Variants in PRKN observed in about 807,000 individuals in gnomAD.
The protein encoded by PRKN is E3 ubiquitin-protein ligase parkin.
PRKN carries 56 observed loss-of-function variants against 59.5 expected under a neutral mutation model. The observed-to-expected ratio is 0.94, with a 90% CI of 0.76 to 1.18. The LOEUF (loss-of-function observed/expected upper bound fraction) is 1.18. Ranked by LOEUF, PRKN falls within the 50% of genes most tolerant of loss-of-function variation. The pLI is 0.00. For missense variants in PRKN, 657 were observed against 596.4 expected (o/e 1.10, Z -1.06); for synonymous variants, 250 against 222.1 (o/e 1.13, Z -1.12).
rs148236860 is a variant in PRKN, at chr6:162,036,946, C to T, written c.618+17145G>A. ...AAGCTTCCTAGTAATTGGAGAAAGG[C>T]AATTTTACATGAGATGTCATGTTTC... On this transcript the variant is annotated intron_variant, in intron 5 of 11. Coordinates refer to ENST00000366898, the MANE Select transcript of PRKN (RefSeq NM_004562.3). Among the ~76,000 whole-genome samples the T allele has an allele frequency of 4.4e-3, 671 of 152,044 alleles. 2 individuals carry two copies. The highest frequency in any genetic ancestry group is 0.016 in the African/African-American group (645 of 41,458).
At chr6:161,886,924 T>C (rs1414421448) in intron 6 of PRKN, among the ~76,000 whole-genome samples, 1 of 148,996 alleles carries the variant, frequency 6.7e-6, no homozygotes, top group Admixed American at 6.6e-5. Context: ...AAGAAAATAC[T>C]GTGGCAATAA....
At chr6:162,723,732 T>C (rs1227523356) in intron 1 of PRKN, among the ~76,000 whole-genome samples, 4 of 152,246 alleles carry the variant, frequency 2.6e-5, no homozygotes, top group Non-Finnish European at 5.9e-5. Context: ...TATGCTTACA[T>C]GTGCAAGTAA....
chr6:162,361,302 C>A (rs918902975), intron 2 of PRKN, among the ~76,000 whole-genome samples: 3 of 151,998 alleles, frequency 2.0e-5, no homozygotes, highest in Non-Finnish European at 4.4e-5. Context: ...CCCTAACCCC[C>A]AATGTGATCG....
intron 9 of PRKN, among the ~76,000 whole-genome samples, chr6:161,433,658 C>T (rs555289233): frequency 1.3e-5 from 2 of 152,188 alleles, no homozygotes; most frequent in East Asian, 1.9e-4. Context: ...GATGTGGACC[C>T]TCTGGTGTAC....
Position 162,719,218 on chromosome 6 carries a change from T to C in PRKN, c.7+8444A>G, listed in dbSNP as rs530301568. On this transcript the variant is annotated intron_variant, in intron 1 of 11. Coordinates refer to ENST00000366898, the MANE Select transcript of PRKN (RefSeq NM_004562.3). ...ATTCATGTAAAAACGTCTTTATATA[T>C]TGTCACATGTAATTATACAAATTTG... Among the ~76,000 whole-genome samples the C allele has an allele frequency of 1.6e-4, 25 of 152,320 alleles. No homozygotes were observed. The South Asian group carries it at 3.7e-3, about 23-fold the overall frequency.
chr6:162,009,442 AAAAC>A (rs1477300073), intron 5 of PRKN, among the ~76,000 whole-genome samples: 21 of 151,938 alleles, frequency 1.4e-4, no homozygotes, highest in Admixed American at 1.3e-4. Flanking sequence ...GCAAAATGAA[AAAAC>A]AAACCCACAA....
At chr6:161,887,773 C>T (rs569433088) in intron 6 of PRKN, among the ~76,000 whole-genome samples, 3 of 152,216 alleles carry the variant, frequency 2.0e-5, no homozygotes, top group African/African-American at 7.2e-5. Flanking sequence ...TGCAATCTAG[C>T]AGATATTTTA....
chr6:161,474,337 C>T (rs1206141597), intron 9 of PRKN, among the ~76,000 whole-genome samples: 6 of 152,146 alleles, frequency 3.9e-5, no homozygotes, highest in Non-Finnish European at 7.3e-5. Context: ...CAACCATAGA[C>T]CAAGCCTCTT....
At chr6:161,834,513 T>C (rs910290422) in intron 6 of PRKN, among the ~76,000 whole-genome samples, 5 of 152,234 alleles carry the variant, frequency 3.3e-5, no homozygotes, top group African/African-American at 7.2e-5. Flanking sequence ...GGTAATAAAC[T>C]GATGCTCCGT....
intron 4 of PRKN, among the ~76,000 whole-genome samples, chr6:162,144,507 G>A (rs1583098414): frequency 6.6e-6 from 1 of 152,158 alleles, no homozygotes; most frequent in African/African-American, 2.4e-5. Flanking sequence ...AGATCAGCTG[G>A]TGTAGGTTTA....
At position 161,448,178 on chromosome 6, in the gene PRKN, A is replaced by G. The variant is rs922089421; in HGVS notation, c.1084-61301T>C. ...TTCAGCGCCTCCCTTTTGCCTCCAT[A>G]AAAGATCTTCACTTTTCCCCACACC... On this transcript the variant is annotated intron_variant, in intron 9 of 11. Transcript: ENST00000366898. The surrounding 1 kb of genome is among the most constrained non-coding windows in gnomAD (Gnocchi z 5.1). Among the ~76,000 whole-genome samples the G allele has an allele frequency of 3.3e-5, 5 of 152,160 alleles. No homozygotes were observed. The highest frequency in any genetic ancestry group is 9.7e-5 in the African/African-American group (4 of 41,418).
At chr6:161,933,286 A>T (rs764414390) in intron 6 of PRKN, among the ~76,000 whole-genome samples, 8 of 152,186 alleles carry the variant, frequency 5.3e-5, no homozygotes, top group Non-Finnish European at 1.2e-4. Flanking sequence ...TTCAAAACAA[A>T]AACAAAAACA....
rs1236689493 is a variant in PRKN at position 161,497,628 on chromosome 6, CA to C, written c.1083+51225del. ...TCCCACTTACAGACTGAATACTTTG[CA>C]CCACAAAGTATTTTCAGCTGCTCTT... On this transcript the variant is annotated intron_variant, in intron 9 of 11. Coordinates refer to ENST00000366898, the MANE Select transcript of PRKN (RefSeq NM_004562.3). The surrounding 1 kb of genome is among the most constrained non-coding windows in gnomAD (Gnocchi z 4.6). Among the ~76,000 whole-genome samples the C allele has an allele frequency of 1.3e-5, 2 of 151,904 alleles. No individual in the cohort carries two copies. Among genetic ancestry groups the C allele is most frequent in the Non-Finnish European group, 2.9e-5 (2 of 68,012 alleles).
Position 161,646,158 on chromosome 6 carries a change from G to A in PRKN, c.872-76742C>T, listed in dbSNP as rs577562623. 4.4e-4 allele frequency among the ~76,000 whole-genome samples: 34 copies of A among 77,944 alleles called. No individual in the cohort carries two copies. The East Asian group carries it at 0.011, about 26-fold the overall frequency. 51.1% of individuals were successfully genotyped at this position (77,944 alleles called of 152,430 possible). ...GTGCGTGCGTGGCGGAGGAGGCGGCGTATCAGTGACAGTGGTGACTGCGTG... is the reference window on the plus strand; with the variant it reads ...GTGCGTGCGTGGCGGAGGAGGCGGCATATCAGTGACAGTGGTGACTGCGTG... On this transcript the variant is annotated intron_variant, in intron 7 of 11. Transcript: ENST00000366898.
chr6:162,472,890 G>T (rs564521676), intron 1 of PRKN, among the ~76,000 whole-genome samples: 3 of 151,302 alleles, frequency 2.0e-5, no homozygotes, highest in Non-Finnish European at 4.4e-5. Flanking sequence ...GGAAATGTGT[G>T]TGTGGCCTGA....
rs955038865 is a variant in PRKN, at chr6:161,750,118, T to TACAC, written c.871+35650_871+35653dup. ...TAGGACATATATATATATATATATATACACACACACACACACACACACACA... is the reference window on the plus strand; with the variant it reads ...TAGGACATATATATATATATATATATACACACACACACACACACACACACACACA... On this transcript the variant is annotated intron_variant, in intron 7 of 11. Coordinates refer to ENST00000366898, the MANE Select transcript of PRKN (RefSeq NM_004562.3). Among the ~76,000 whole-genome samples the TACAC allele has an allele frequency of 2.1e-3, 283 of 137,764 alleles. 4 individuals are homozygous for TACAC. In the East Asian group the frequency reaches 0.023, roughly 11 times the overall value. 90.4% of individuals were successfully genotyped at this position (137,764 alleles called of 152,430 possible).
intron 7 of PRKN, among the ~76,000 whole-genome samples, chr6:161,647,799 A>C (rs1784011104): frequency 6.6e-6 from 1 of 152,214 alleles, no homozygotes; most frequent in South Asian, 2.1e-4. Context: ...AAGTGCTTTT[A>C]GCATTAGGAA....
intron 7 of PRKN, among the ~76,000 whole-genome samples, chr6:161,587,032 A>T (rs571039302): frequency 6.6e-6 from 1 of 152,302 alleles, no homozygotes; most frequent in Non-Finnish European, 1.5e-5. Context: ...ACTTACCGCT[A>T]TTGAGGGGCC....
In PRKN at chr6:162,056,041, C is replaced by T. The variant is rs964268061; in HGVS notation, c.535-1867G>A. 2.0e-5 allele frequency among the ~76,000 whole-genome samples: 3 copies of T among 150,538 alleles called. No individual in the cohort carries two copies. Among genetic ancestry groups the T allele is most frequent in the Non-Finnish European group, 4.4e-5 (3 of 67,762 alleles). On this transcript the variant is annotated intron_variant, in intron 4 of 11. Coordinates refer to ENST00000366898, the MANE Select transcript of PRKN (RefSeq NM_004562.3). The surrounding 1 kb of genome is among the most constrained non-coding windows in gnomAD (Gnocchi z 4.9). ...CGCACACAGCATGCCACACACCACA[C>T]ATGCATAAACACACCACATACATAC...
Sources: gnomAD v4.1 joint callset for allele counts (sites outside exome capture counted in the v4.1 genomes callset) on GRCh38, gnomAD v4.1.1 for gene constraint, Gnocchi (gnomAD v3.1) non-coding constraint, MANE v1.5 for transcripts, NCBI Gene and HGNC (gene_info 2026-07-23, HGNC 2026-07-21) for gene names.